Variants in CDH2 observed in about 807,000 individuals in gnomAD.
CDH2 encodes cadherin-2.
Under a neutral mutation model 92.0 loss-of-function variants are expected in CDH2, and 17 were observed. The observed-to-expected ratio is 0.18, with a 90% CI of 0.13 to 0.28. The LOEUF is 0.28. CDH2 is among the 10% of genes least tolerant of loss of function. CDH2 has a pLI of 1.00. For missense variants in CDH2, 862 were observed against 1,133.1 expected (o/e 0.76, Z 3.44); for synonymous variants, 419 against 415.9 (o/e 1.01, Z -0.09).
intron 4 of CDH2, among the ~76,000 whole-genome samples, chr18:28,010,668 G>GTTT (rs760034959): frequency 6.3e-5 from 9 of 142,590 alleles, no homozygotes; most frequent in African/African-American, 2.3e-4. Context: ...TAAAATCTAG[G>GTTT]TTTTTTTTTT....
At chr18:27,955,560 T>C (rs1049616552) in intron 15 of CDH2, among the ~76,000 whole-genome samples, 12 of 152,038 alleles carry the variant, frequency 7.9e-5, no homozygotes, top group African/African-American at 2.6e-4. Context: ...TCTTCCCTGG[T>C]GTGTTCACGG....
intron 2 of CDH2, among the ~76,000 whole-genome samples, chr18:28,072,805 G>A (rs1263587786): frequency 6.6e-6 from 1 of 152,242 alleles, no homozygotes; most frequent in African/African-American, 2.4e-5. Flanking sequence ...TACGCAAAGA[G>A]TAGTATTTGA....
rs201486354 is a variant in CDH2 at position 27,951,481 on chromosome 18, C to T, written c.*672G>A. ...ATTTTTACAGTGAAGTGGAAAAATA[C>T]AGAAATAAAAAAGTGTACATGGATT... On this transcript the variant is annotated 3_prime_UTR_variant, in exon 16 of 16. Coordinates refer to ENST00000269141, the MANE Select transcript of CDH2 (RefSeq NM_001792.5). 4 of 152,216 alleles carry T rather than the reference C, an allele frequency of 2.6e-5. No individual in the cohort carries two copies. Among genetic ancestry groups the T allele is most frequent in the African/African-American group, 4.8e-5 (2 of 41,340 alleles). The allele number at this position is 152,216 out of a possible 1,614,324, so 9.4% of individuals were successfully genotyped here.
intron 7 of CDH2, among the ~76,000 whole-genome samples, chr18:27,996,244 A>G (rs371985148): frequency 6.6e-6 from 1 of 152,040 alleles, no homozygotes; most frequent in Non-Finnish European, 1.5e-5. Flanking sequence ...TCCATTTGGC[A>G]TTCTCCTCTG....
intron 14 of CDH2, among the ~76,000 whole-genome samples, chr18:27,973,338 C>A (rs767682373): frequency 1.3e-5 from 2 of 152,088 alleles, no homozygotes; most frequent in Non-Finnish European, 2.9e-5. Flanking sequence ...ATTATAATTC[C>A]CTTTATCATG....
intron 2 of CDH2, among the ~76,000 whole-genome samples, chr18:28,095,807 C>CAAAA (rs33981188): frequency 0.2 from 20,583 of 102,136 alleles, 2,274 homozygotes; most frequent in Admixed American, 0.29. Flanking sequence ...GCAACTCCAT[C>CAAAA]AAAAAAAAAA....
chr18:28,099,188 C>T (rs2015187716), intron 2 of CDH2, among the ~76,000 whole-genome samples: 1 of 152,116 alleles, frequency 6.6e-6, no homozygotes, highest in South Asian at 2.1e-4. Flanking sequence ...AGGAAGAAAA[C>T]TAACACTAAC....
intron 14 of CDH2, among the ~76,000 whole-genome samples, chr18:27,971,486 G>A (rs1436027479): frequency 6.6e-6 from 1 of 152,138 alleles, no homozygotes; most frequent in Non-Finnish European, 1.5e-5. Flanking sequence ...TCACTTGCAT[G>A]AAGTGACAGG....
chr18:27,940,210 T>C (rs1425784106), intron 6 of CDH2, among the ~76,000 whole-genome samples: 1 of 152,142 alleles, frequency 6.6e-6, no homozygotes, highest in Non-Finnish European at 1.5e-5. Flanking sequence ...CTGGGACAGG[T>C]TCTTAATTAG....
At chr18:28,011,769 TAA>T in intron 4 of CDH2, 75 bp downstream of exon 4, 1 of 1,413,128 alleles carries the variant, frequency 7.1e-7, no homozygotes, top group Non-Finnish European at 9.8e-7. Context: ...TTCTACTTTG[TAA>T]AAAAAATAGA....
chr18:28,125,154 T>C (rs1056274847), intron 2 of CDH2, among the ~76,000 whole-genome samples: 6 of 152,190 alleles, frequency 3.9e-5, no homozygotes, highest in Non-Finnish European at 8.8e-5. Flanking sequence ...CAGAAACTCA[T>C]GACAGATGGT....
At chr18:27,949,411 A>C (rs1433110372), downstream of CDH2, among the ~76,000 whole-genome samples, 2 of 152,042 alleles carry the variant, frequency 1.3e-5, no homozygotes, top group East Asian at 3.8e-4. Flanking sequence ...AAGGATGTTT[A>C]CTGTGGCATT....
intron 5 of CDH2, among the ~76,000 whole-genome samples, chr18:28,007,487 C>T (rs2012972894): frequency 6.6e-6 from 1 of 151,878 alleles, no homozygotes; most frequent in African/African-American, 2.4e-5. Flanking sequence ...AAAGCTTCAA[C>T]ATATCCTTTT....
chr18:28,124,574 A>G (rs1191809235), intron 2 of CDH2, among the ~76,000 whole-genome samples: 1 of 152,298 alleles, frequency 6.6e-6, no homozygotes, highest in Admixed American at 6.5e-5. Context: ...CTTTCCACCT[A>G]GTCTTTCACA....
chr18:28,173,137 T>A (rs1451597527), intron 1 of CDH2, among the ~76,000 whole-genome samples: 1 of 152,146 alleles, frequency 6.6e-6, no homozygotes, highest in East Asian at 1.9e-4. Context: ...TATTTCCTTG[T>A]AAAATCTCAG....
intron 2 of CDH2, among the ~76,000 whole-genome samples, chr18:28,049,144 G>T (rs1196066585): frequency 6.6e-6 from 1 of 152,016 alleles, no homozygotes; most frequent in Non-Finnish European, 1.5e-5. Flanking sequence ...CAAGCAGAGG[G>T]CTTCTGATTG....
chr18:28,049,705 C>G (rs1321200400), intron 2 of CDH2, among the ~76,000 whole-genome samples: 1 of 152,206 alleles, frequency 6.6e-6, no homozygotes, highest in Non-Finnish European at 1.5e-5. Context: ...ACCTCCACAA[C>G]AACAATCTCA....
intron 2 of CDH2, among the ~76,000 whole-genome samples, chr18:28,095,002 T>G (rs2015106600): frequency 6.6e-6 from 1 of 152,158 alleles, no homozygotes; most frequent in East Asian, 1.9e-4. Flanking sequence ...TCCAACAATT[T>G]CTGTTCATTG....
downstream of CDH2, among the ~76,000 whole-genome samples, chr18:27,946,136 G>C (rs890865127): frequency 6.6e-6 from 1 of 152,086 alleles, no homozygotes; most frequent in African/African-American, 2.4e-5. Context: ...CATCCAAAAA[G>C]CTCATGGGAA....
Sources: allele counts gnomAD v4.1 joint callset (sites outside exome capture counted in the v4.1 genomes callset), GRCh38; gene constraint gnomAD v4.1.1; transcripts MANE v1.5; gene names NCBI Gene and HGNC (gene_info 2026-07-23, HGNC 2026-07-21).